The following NTRK2 variants were observed in gnomAD, a reference collection of about 807,000 sequenced individuals.
NTRK2 encodes BDNF/NT-3 growth factors receptor.
Under a neutral mutation model 94.5 loss-of-function variants are expected in NTRK2, and 13 were observed. The ratio of observed to expected loss-of-function variants is 0.14; its 90% CI spans 0.09 to 0.22. The LOEUF (loss-of-function observed/expected upper bound fraction) is 0.22, where lower values mean the gene tolerates loss of function less well. NTRK2 is among the 10% of genes least tolerant of loss of function. NTRK2 has a pLI of 1.00. For missense variants in NTRK2, 639 were observed against 1,071.2 expected (o/e 0.60, Z 5.63); for synonymous variants, 372 against 407.4 (o/e 0.91, Z 1.05).
At chr9:84,756,775 C>G (rs935347878) in intron 12 of NTRK2, among the ~76,000 whole-genome samples, 1 of 152,158 alleles carries the variant, frequency 6.6e-6, no homozygotes, top group African/African-American at 2.4e-5. Flanking sequence ...ATTTGTCCTA[C>G]TTAAGTGTTG....
chr9:84,835,749 A>G (rs747410702), intron 12 of NTRK2, among the ~76,000 whole-genome samples: 3 of 152,230 alleles, frequency 2.0e-5, no homozygotes, highest in Non-Finnish European at 4.4e-5. Context: ...AACTATTCTG[A>G]AATCCTGTGT....
chr9:84,734,765 A>G (rs940639837), intron 9 of NTRK2, among the ~76,000 whole-genome samples: 3 of 152,200 alleles, frequency 2.0e-5, no homozygotes, highest in Non-Finnish European at 2.9e-5. Flanking sequence ...CTCCCCAGCC[A>G]TATGGAACTA....
At chr9:84,703,077 A>C (rs1281459553) in intron 4 of NTRK2, among the ~76,000 whole-genome samples, 2 of 152,212 alleles carry the variant, frequency 1.3e-5, no homozygotes, top group Non-Finnish European at 2.9e-5. Context: ...TAAGTCCATA[A>C]GGTGTGGCTT....
chr9:84,804,268 C>T (rs1337685014), intron 12 of NTRK2, among the ~76,000 whole-genome samples: 3 of 152,064 alleles, frequency 2.0e-5, no homozygotes, highest in Non-Finnish European at 4.4e-5. Flanking sequence ...CGCATCAATA[C>T]CAACCACTTT....
chr9:84,752,111 T>G (rs1023349879), intron 12 of NTRK2, 26 bp downstream of exon 12: 6 of 1,561,652 alleles, frequency 3.8e-6, no homozygotes, highest in Non-Finnish European at 5.3e-6. Flanking sequence ...TTTATTTAGC[T>G]TCTTATGTGG....
chr9:84,948,347 T>C (rs2078668133), intron 15 of NTRK2, 115 bp from the exon 16 acceptor site: 1 of 1,078,500 alleles, frequency 9.3e-7, no homozygotes. Flanking sequence ...TGTTATTTCC[T>C]TAGGAACTAG....
chr9:84,688,265 G>A lies in NTRK2; in HGVS notation c.213-13894G>A, dbSNP rs116128387. ...AAAGGACCTGGGCCCAATGCTCAGG[G>A]CTAAAGGTGCCATGGACCAGGCTGA... On this transcript the variant is annotated intron_variant, in intron 2 of 18. Coordinates refer to ENST00000277120, the MANE Select transcript of NTRK2 (RefSeq NM_006180.6). 6.7e-3 allele frequency among the ~76,000 whole-genome samples: 1,027 copies of A among 152,312 alleles called. 12 individuals are homozygous for A. The highest frequency in any genetic ancestry group is 0.023 in the African/African-American group (964 of 41,566).
At chr9:84,771,874 T>C (rs2066581414) in intron 12 of NTRK2, among the ~76,000 whole-genome samples, 1 of 152,160 alleles carries the variant, frequency 6.6e-6, no homozygotes, top group African/African-American at 2.4e-5. Context: ...CACTTCGGGG[T>C]ATCGTTTGAG....
intron 14 of NTRK2, chr9:84,877,560 T>C (rs1198927635): frequency 1.9e-6 from 2 of 1,066,436 alleles, no homozygotes; most frequent in Admixed American, 5.3e-5. Context: ...TCCTGCCACC[T>C]CATTGCACTG....
chr9:84,905,615 G>T (rs2077051861), intron 14 of NTRK2, among the ~76,000 whole-genome samples: 1 of 152,072 alleles, frequency 6.6e-6, no homozygotes, highest in African/African-American at 2.4e-5. Context: ...GTGTATACTG[G>T]CTAATGTCTA....
chr9:84,787,739 A>G (rs2068266571), intron 12 of NTRK2, among the ~76,000 whole-genome samples: 1 of 152,218 alleles, frequency 6.6e-6, no homozygotes, highest in Non-Finnish European at 1.5e-5. Flanking sequence ...ATAAATGGTG[A>G]TAATAATAGC....
intron 2 of NTRK2, among the ~76,000 whole-genome samples, chr9:84,690,165 T>C (rs980484396): frequency 6.6e-6 from 1 of 152,182 alleles, no homozygotes. Context: ...CTTACTCCCA[T>C]AGCCTATAAA....
At chr9:84,898,616 T>C (rs1247382491) in intron 14 of NTRK2, among the ~76,000 whole-genome samples, 5 of 152,134 alleles carry the variant, frequency 3.3e-5, no homozygotes, top group Non-Finnish European at 2.9e-5. Context: ...TGTGGCTCCT[T>C]GTGGCTAGAC....
At chr9:84,971,174 A>G (rs1826142449) in intron 17 of NTRK2, among the ~76,000 whole-genome samples, 1 of 152,212 alleles carries the variant, frequency 6.6e-6, no homozygotes, top group Admixed American at 6.5e-5. Flanking sequence ...GAACAGAAAG[A>G]ATCAAAATAG....
intron 12 of NTRK2, among the ~76,000 whole-genome samples, chr9:84,781,807 G>T (rs1170868637): frequency 6.6e-6 from 1 of 152,092 alleles, no homozygotes; most frequent in Non-Finnish European, 1.5e-5. Context: ...ATCAAATTGG[G>T]AGGGTCAAAA....
chr9:84,850,371 C>A (rs373350602), intron 12 of NTRK2, among the ~76,000 whole-genome samples: 4 of 152,048 alleles, frequency 2.6e-5, no homozygotes. Context: ...GAATAGTTTT[C>A]GAATGAATTA....
intron 12 of NTRK2, among the ~76,000 whole-genome samples, chr9:84,788,478 G>A (rs947940707): frequency 4.6e-5 from 7 of 152,174 alleles, no homozygotes; most frequent in Middle Eastern, 3.2e-3. Flanking sequence ...ATGTCTATCT[G>A]AGGGGTTCAG....
chr9:84,780,120 G>C (rs1423357049), intron 12 of NTRK2, among the ~76,000 whole-genome samples: 1 of 151,720 alleles, frequency 6.6e-6, no homozygotes, highest in African/African-American at 2.4e-5. Flanking sequence ...TGAGCTACGT[G>C]TTAGAGTTCC....
intron 14 of NTRK2, among the ~76,000 whole-genome samples, chr9:84,925,519 T>G (rs2077732661): frequency 6.6e-6 from 1 of 152,212 alleles, no homozygotes; most frequent in Non-Finnish European, 1.5e-5. Context: ...TCTTGTTTTC[T>G]GTCTTTCCCT....
Sources: gnomAD v4.1 joint callset for allele counts (sites outside exome capture counted in the v4.1 genomes callset) on GRCh38, gnomAD v4.1.1 for gene constraint, MANE v1.5 for transcripts, NCBI Gene and HGNC (gene_info 2026-07-23, HGNC 2026-07-21) for gene names.